Variants in ABCB10 observed in about 807,000 individuals in gnomAD.
The protein encoded by ABCB10 is ATP binding cassette subfamily B member 10.
In ABCB10, 54 loss-of-function variants were observed where a neutral mutation model predicts 65.4. The observed-to-expected ratio is 0.83, with a 90% CI of 0.66 to 1.04. The LOEUF (loss-of-function observed/expected upper bound fraction) is 1.04, where lower values mean the gene tolerates loss of function less well. Ranked by LOEUF, ABCB10 falls within the 50% of genes least tolerant of loss-of-function variation. ABCB10 has a pLI of 0.00. For missense variants in ABCB10, 846 were observed against 976.6 expected (o/e 0.87, Z 1.78); for synonymous variants, 418 against 406.5 (o/e 1.03, Z -0.34).
At chr1:229,542,864 C>A (rs1392589204) in intron 3 of ABCB10, among the ~76,000 whole-genome samples, 1 of 152,044 alleles carries the variant, frequency 6.6e-6, no homozygotes, top group Admixed American at 6.6e-5. Flanking sequence ...GGTGTGGTGG[C>A]TCACGCCTGT....
intron 1 of ABCB10, among the ~76,000 whole-genome samples, chr1:229,555,818 T>G (rs572935517): frequency 1.4e-4 from 21 of 151,288 alleles, no homozygotes; most frequent in Non-Finnish European, 2.5e-4. Flanking sequence ...AAATTACACA[T>G]TTTTTTTTAA....
intron 10 of ABCB10, among the ~76,000 whole-genome samples, chr1:229,525,465 T>G (rs1387713987): frequency 1.3e-5 from 2 of 152,294 alleles, no homozygotes; most frequent in East Asian, 3.9e-4. Context: ...TGGGGAATTT[T>G]CCACATATAA....
At chr1:229,537,970 T>A (rs1662758768) in intron 6 of ABCB10, among the ~76,000 whole-genome samples, 1 of 152,198 alleles carries the variant, frequency 6.6e-6, no homozygotes, top group Non-Finnish European at 1.5e-5. Context: ...GCAACAGATG[T>A]ACACTGACCT....
chr1:229,551,246 C>G (rs1663109379), intron 1 of ABCB10, among the ~76,000 whole-genome samples: 1 of 152,140 alleles, frequency 6.6e-6, no homozygotes, highest in Non-Finnish European at 1.5e-5. Context: ...AAAGTCCCCT[C>G]CCCAAAAAGG....
intron 10 of ABCB10, among the ~76,000 whole-genome samples, chr1:229,524,975 T>G (rs1301886690): frequency 6.6e-6 from 1 of 152,012 alleles, no homozygotes. Context: ...TGCCTCAGCC[T>G]CCCGAGTAGC....
intron 6 of ABCB10, chr1:229,531,932 T>C (rs2102690642): frequency 1.5e-5 from 5 of 329,352 alleles, no homozygotes; most frequent in South Asian, 7.3e-5. Context: ...TGGCTTCTCC[T>C]CCTCCAGTTT....
intron 11 of ABCB10, among the ~76,000 whole-genome samples, chr1:229,520,982 A>C (rs1188467788): frequency 6.6e-6 from 1 of 152,240 alleles, no homozygotes; most frequent in African/African-American, 2.4e-5. Flanking sequence ...GTGTGCAACC[A>C]ACTCCGCAAA....
At position 229,558,577 on chromosome 1, in the gene ABCB10, C is replaced by G; in HGVS notation, c.76G>C (p.Val26Leu). 6.9e-7 allele frequency: 1 copy of G among 1,444,218 alleles called. No homozygotes were observed. Among genetic ancestry groups the G allele is most frequent in the African/African-American group, 1.5e-5 (1 of 67,476 alleles). The allele number at this position is 1,444,218 out of a possible 1,614,324, so 89.5% of individuals were successfully genotyped here. A position where few individuals can be genotyped will look rare whatever the true frequency, so the allele number is the denominator to read the frequency against. The change falls in exon 1 of 13, where the codon GTA (valine) becomes CTA (leucine). Residue 26 changes from valine to leucine, a missense_variant. Coordinates refer to ENST00000344517, the MANE Select transcript of ABCB10 (RefSeq NM_012089.3). ...CTGGCCGCGGCCCACACGCAGGCTA[C>G]CGGCAGGAGCCGACCTGGCTCGGCA... The part of the protein sequence containing the change: ...SPAEPGRLLP[V>L]ACVWAAASRV...
At chr1:229,554,459 G>C (rs111421189) in intron 1 of ABCB10, among the ~76,000 whole-genome samples, 2,017 of 152,194 alleles carry the variant, frequency 0.013, 19 homozygotes, top group Middle Eastern at 0.02. Flanking sequence ...CCACAGGAGG[G>C]TTCGCCATGG....
intron 6 of ABCB10, among the ~76,000 whole-genome samples, chr1:229,532,613 G>T (rs57025177): frequency 0.062 from 9,388 of 151,536 alleles, 877 homozygotes; most frequent in African/African-American, 0.21. Context: ...AGGCAAAATG[G>T]TTCATGGCTG....
intron 1 of ABCB10, 60 bp downstream of exon 1, chr1:229,558,076 G>A (rs941347356): frequency 2.3e-6 from 3 of 1,285,896 alleles, no homozygotes; most frequent in Non-Finnish European, 3.0e-6. Flanking sequence ...CGGCGCCCCG[G>A]GACCCCGCGT....
At chr1:229,537,208 G>C in intron 6 of ABCB10, among the ~76,000 whole-genome samples, 1 of 152,114 alleles carries the variant, frequency 6.6e-6, no homozygotes, top group East Asian at 1.9e-4. Context: ...AATGGTTTGG[G>C]AACTAGATGG....
chr1:229,552,823 A>G (rs1663149039), intron 1 of ABCB10, among the ~76,000 whole-genome samples: 1 of 152,180 alleles, frequency 6.6e-6, no homozygotes, highest in Non-Finnish European at 1.5e-5. Context: ...TCGAACACAG[A>G]GAGAGGGAGC....
At position 229,558,170 on chromosome 1, in the gene ABCB10, C is replaced by T; in HGVS notation, c.483G>A (p.Leu161=). The T allele has an allele frequency of 7.0e-7, 1 of 1,436,182 alleles. No homozygotes were observed. Among genetic ancestry groups the T allele is most frequent in the Non-Finnish European group, 9.1e-7 (1 of 1,098,104 alleles). The allele number at this position is 1,436,182 out of a possible 1,614,324, so 89.0% of individuals were successfully genotyped here. A position where few individuals can be genotyped will look rare whatever the true frequency, so the allele number is the denominator to read the frequency against. The change falls in exon 1 of 13, where the codon CTG becomes CTA. Residue 161 remains leucine, a synonymous_variant. Transcript: ENST00000344517. The stretch of plus-strand genomic sequence containing the variant: ...TCCGGCGCTCAGGGTACGCCAGCCC[C>T]AGGAGCTTCCGGGCCTCCGGGAGTC... ...AAGLPEARKL[L]GLAYPERRRL...
intron 2 of ABCB10, among the ~76,000 whole-genome samples, chr1:229,548,363 A>G (rs951588555): frequency 6.6e-6 from 1 of 152,314 alleles, no homozygotes; most frequent in Non-Finnish European, 1.5e-5. Context: ...CCAAAAGCTC[A>G]TTTTGTTCCT....
At chr1:229,547,452 A>G (rs1457877515) in intron 3 of ABCB10, 47 bp downstream of exon 3, 1 of 1,604,296 alleles carries the variant, frequency 6.2e-7, no homozygotes, top group East Asian at 2.2e-5. Context: ...GCCTGGTGCA[A>G]GCCAAGCCCT....
In ABCB10 at chr1:229,539,459, C is replaced by A; in HGVS notation, c.1336G>T (p.Gly446Ter). ...MYAFWVGISI[G>*]GLSSFYSELM... is the part of the protein sequence containing the mutation. ...CAAGCCTATTTAAATTATTTACCTC[C>A]AATGCTTATTCCAACCCAGAAAGCA... Residue 446 changes from glycine to a stop codon, truncating the protein, a stop_gained, in exon 6 of 13, where the codon GGA (glycine) becomes TGA (stop). Transcript: ENST00000344517. LOFTEE classifies it high-confidence loss of function. The A allele has an allele frequency of 6.2e-7, 1 of 1,613,890 alleles. No homozygotes were observed. Among genetic ancestry groups the A allele is most frequent in the Non-Finnish European group, 8.5e-7 (1 of 1,179,848 alleles).
At chr1:229,538,431 C>T (rs1662770113) in intron 6 of ABCB10, among the ~76,000 whole-genome samples, 1 of 152,078 alleles carries the variant, frequency 6.6e-6, no homozygotes, top group African/African-American at 2.4e-5. Context: ...GGACAGAAGA[C>T]CTAGGGGAAC....
chr1:229,518,408 G>A lies in ABCB10; in HGVS notation c.1988C>T (p.Ala663Val), dbSNP rs1348176646. Residue 663 changes from alanine to valine, a missense_variant and splice_region_variant, in exon 13 of 13, where the codon GCG (alanine) becomes GTG (valine). By Grantham distance (64) the Ala-to-Val change is moderately conservative. This residue lies in a region of ABCB10 where 632 missense variants were observed against 803.2 expected (regional missense o/e 0.79). Coordinates refer to ENST00000344517, the MANE Select transcript of ABCB10 (RefSeq NM_012089.3). ...KILLLDEATS[A>V]LDAENEYLVQ... ...AAGGTACTCATTTTCGGCATCCAGCGCACTGACACAGGAGCACACACACAA... is the reference window on the plus strand; with the variant it reads ...AAGGTACTCATTTTCGGCATCCAGCACACTGACACAGGAGCACACACACAA... 5 of 1,613,668 alleles carry A rather than the reference G, an allele frequency of 3.1e-6. No homozygotes were observed. Among genetic ancestry groups the A allele is most frequent in the Admixed American group, 1.7e-5 (1 of 59,986 alleles).
Sources: allele counts gnomAD v4.1 joint callset (sites outside exome capture counted in the v4.1 genomes callset), GRCh38; gene constraint gnomAD v4.1.1; regional missense constraint gnomAD v4.1.1; transcripts MANE v1.5; gene names NCBI Gene and HGNC (gene_info 2026-07-23, HGNC 2026-07-21).